NBAS: variants seen among roughly 807,000 people sequenced by gnomAD.
NBAS encodes the protein NAG/BC035112 fusion.
NBAS carries 219 observed loss-of-function variants against 302.5 expected under a neutral mutation model. The observed-to-expected ratio is 0.72, with a 90% confidence interval of 0.65 to 0.81. NBAS has a LOEUF of 0.81. NBAS is among the 30% of genes least tolerant of loss of function. NBAS has a pLI of 0.00. For missense variants in NBAS, 2,932 were observed against 2,841.6 expected (o/e 1.03, Z -0.72); for synonymous variants, 1,118 against 1,021.6 (o/e 1.09, Z -1.80).
chr2:14,898,223 G>C, the NBAS span, among the ~76,000 whole-genome samples: 2 of 152,192 alleles, frequency 1.3e-5, no homozygotes, highest in African/African-American at 4.8e-5. Context: ...GCTAACATGT[G>C]CTTGCAGATC....
At chr2:15,428,081 T>C (rs1193965172) in intron 21 of NBAS, among the ~76,000 whole-genome samples, 1 of 152,202 alleles carries the variant, frequency 6.6e-6, no homozygotes, top group East Asian at 1.9e-4. Flanking sequence ...AAAACACTTA[T>C]CAAGAGCCTG....
chr2:14,874,364 C>T, the NBAS span, among the ~76,000 whole-genome samples: 9 of 151,674 alleles, frequency 5.9e-5, no homozygotes, highest in East Asian at 3.9e-4. Context: ...CGGTGGCTCA[C>T]GCCTGTAATC....
At chr2:14,944,429 C>G in the NBAS span, among the ~76,000 whole-genome samples, 6 of 152,248 alleles carry the variant, frequency 3.9e-5, no homozygotes, top group Non-Finnish European at 7.3e-5. Flanking sequence ...AAGGTCGGTA[C>G]TCTTCTCCAA....
chr2:15,023,034 A>G, the NBAS span, among the ~76,000 whole-genome samples: 1 of 151,550 alleles, frequency 6.6e-6, no homozygotes, highest in Non-Finnish European at 1.5e-5. Context: ...AATAAGCTAT[A>G]TTTCTCCTCA....
chr2:15,274,566 C>A (rs575635571), intron 44 of NBAS, among the ~76,000 whole-genome samples: 50 of 151,876 alleles, frequency 3.3e-4, no homozygotes, highest in African/African-American at 9.7e-4. Flanking sequence ...GCAGCGGTGT[C>A]TAGGTGAGGG....
At chr2:15,381,140 A>T (rs13001923) in intron 29 of NBAS, among the ~76,000 whole-genome samples, 94,109 of 151,928 alleles carry the variant, frequency 0.62, 29,942 homozygotes, top group Middle Eastern at 0.68. Flanking sequence ...AGCTGTAAGG[A>T]GTCAATGTCC....
chr2:15,388,774 C>T (rs981970923), intron 28 of NBAS, among the ~76,000 whole-genome samples: 11 of 152,034 alleles, frequency 7.2e-5, no homozygotes, highest in East Asian at 1.9e-4. Context: ...TAATGAGTTA[C>T]GTTCACAAAA....
chr2:15,035,701 G>A, the NBAS span, among the ~76,000 whole-genome samples: 2 of 152,278 alleles, frequency 1.3e-5, no homozygotes. Flanking sequence ...GACATGGATG[G>A]AGCTGGAAGC....
chr2:14,923,677 G>C, the NBAS span, among the ~76,000 whole-genome samples: 1 of 152,188 alleles, frequency 6.6e-6, no homozygotes, highest in Non-Finnish European at 1.5e-5. Context: ...CAGTATGAAA[G>C]AGATGGGGAT....
At chr2:15,285,967 C>G (rs975058224) in intron 42 of NBAS, among the ~76,000 whole-genome samples, 9 of 152,158 alleles carry the variant, frequency 5.9e-5, no homozygotes, top group Admixed American at 5.9e-4. Context: ...GCCTCTCTTG[C>G]CTTTTCCTCA....
chr2:14,915,610 T>C, the NBAS span, among the ~76,000 whole-genome samples: 2 of 152,202 alleles, frequency 1.3e-5, no homozygotes, highest in African/African-American at 2.4e-5. Context: ...TCACCCAGGC[T>C]GGAGTACAGT....
At chr2:14,818,785 G>A in the NBAS span, among the ~76,000 whole-genome samples, 1 of 152,220 alleles carries the variant, frequency 6.6e-6, no homozygotes, top group Non-Finnish European at 1.5e-5. Flanking sequence ...GATACTTGGA[G>A]ATGACACCAG....
the NBAS span, among the ~76,000 whole-genome samples, chr2:14,849,775 T>C: frequency 2.8e-3 from 399 of 142,744 alleles, 9 homozygotes; most frequent in African/African-American, 0.011. Flanking sequence ...GGGCCAATAT[T>C]CAACATTCTT....
chr2:15,342,236 A>G (rs1342459915), intron 35 of NBAS, among the ~76,000 whole-genome samples: 1 of 152,188 alleles, frequency 6.6e-6, no homozygotes, highest in Middle Eastern at 3.2e-3. Context: ...GAAAAGTTGG[A>G]CACAATCTAA....
intron 38 of NBAS, among the ~76,000 whole-genome samples, chr2:15,326,598 T>C (rs2148219726): frequency 6.6e-6 from 1 of 152,250 alleles, no homozygotes. Flanking sequence ...AACATGACTA[T>C]ACTTTTCATA....
At chr2:15,368,087 A>G (rs561231239) in intron 31 of NBAS, among the ~76,000 whole-genome samples, 2 of 152,254 alleles carry the variant, frequency 1.3e-5, no homozygotes, top group South Asian at 2.1e-4. Context: ...ATACACACAA[A>G]TATACATACA....
At position 15,218,093 on chromosome 2, in the gene NBAS, C is replaced by A. The variant is rs571568480; in HGVS notation, c.6432+680G>T. Among the ~76,000 whole-genome samples, 5 of 152,138 alleles carry A rather than the reference C, an allele frequency of 3.3e-5. No homozygotes were observed. The South Asian group carries it at 1.0e-3, about 32-fold the overall frequency. ...AAGGGACAGCATTTTAGTACCTGGG[C>A]AGAGCACGAAGGAAATGAATTAGCT... On this transcript the variant is annotated intron_variant, in intron 48 of 51. Coordinates refer to ENST00000281513, the MANE Select transcript of NBAS (RefSeq NM_015909.4).
At chr2:15,208,698 G>A (rs1666262455) in intron 48 of NBAS, among the ~76,000 whole-genome samples, 1 of 152,020 alleles carries the variant, frequency 6.6e-6, no homozygotes, top group African/African-American at 2.4e-5. Flanking sequence ...ATATTATCAA[G>A]CAGTGGCCCA....
chr2:15,476,624 A>C (rs1474357301), intron 13 of NBAS, among the ~76,000 whole-genome samples: 3 of 152,144 alleles, frequency 2.0e-5, no homozygotes, highest in East Asian at 3.9e-4. Flanking sequence ...GGGAGACTGG[A>C]GAATCACTTG....
Sources: gnomAD v4.1 joint callset for allele counts (sites outside exome capture counted in the v4.1 genomes callset) on GRCh38, gnomAD v4.1.1 for gene constraint, MANE v1.5 for transcripts, NCBI Gene and HGNC (gene_info 2026-07-23, HGNC 2026-07-21) for gene names.